Variants in BARD1 observed in about 807,000 individuals in gnomAD.
BARD1 encodes the protein BRCA1 associated RING domain 1, also known as BRCA1-associated RING domain protein 1.
Under a neutral mutation model 77.0 loss-of-function variants are expected in BARD1, and 73 were observed. The observed-to-expected ratio is 0.95, with a 90% confidence interval of 0.79 to 1.15. BARD1 has a LOEUF of 1.15. Among genes scored for constraint, BARD1 ranks in the 50% most tolerant of loss-of-function variants. BARD1 has a pLI of 0.00. For synonymous variants in BARD1, 384 were observed against 338.0 expected (o/e 1.14, Z -1.49); for missense variants, 993 against 938.8 (o/e 1.06, Z -0.75).
chr2:214,804,342 T>C (rs558866917), intron 1 of BARD1, among the ~76,000 whole-genome samples: 1 of 152,226 alleles, frequency 6.6e-6, no homozygotes, highest in Non-Finnish European at 1.5e-5. Context: ...CTAAGTTCTT[T>C]CATACATCAA....
At chr2:214,740,134 A>G (rs1307996899) in intron 9 of BARD1, among the ~76,000 whole-genome samples, 1 of 152,036 alleles carries the variant, frequency 6.6e-6, no homozygotes, top group African/African-American at 2.4e-5. Flanking sequence ...TAGAAAACTC[A>G]TGCTCAGTGT....
intron 4 of BARD1, among the ~76,000 whole-genome samples, chr2:214,773,927 CTGTTT>C (rs112605346): frequency 0.054 from 8,171 of 152,278 alleles, 241 homozygotes; most frequent in Admixed American, 0.084. Context: ...AACCCTGCTG[CTGTTT>C]TATCAACTAA....
chr2:214,760,019 CCA>C (rs1693878937), intron 6 of BARD1, among the ~76,000 whole-genome samples: 1 of 152,140 alleles, frequency 6.6e-6, no homozygotes, highest in Non-Finnish European at 1.5e-5. Context: ...GTCTAGTCTT[CCA>C]CACACATTCA....
chr2:214,751,565 A>G lies in BARD1; in HGVS notation c.1677+882T>C, dbSNP rs144407674. On this transcript the variant is annotated intron_variant, in intron 7 of 10. Transcript: ENST00000260947. ...TACAAATTTATTACAATGTACAGTA[A>G]AAGTTTTTATATCTGAAATCCCTGC... is the stretch of plus-strand genomic sequence containing the variant. Among the ~76,000 whole-genome samples the G allele has an allele frequency of 2.5e-3, 379 of 152,222 alleles. 1 individual carries two copies. Among genetic ancestry groups the G allele is most frequent in the Middle Eastern group, 0.01 (3 of 294 alleles).
intron 1 of BARD1, 69 bp from the exon 2 acceptor site, chr2:214,797,186 C>T (rs1182190945): frequency 1.6e-6 from 2 of 1,222,448 alleles, no homozygotes; most frequent in Non-Finnish European, 2.4e-6. Flanking sequence ...CCCAATATTT[C>T]ATCCAAGGCC....
At position 214,730,464 on chromosome 2, in the gene BARD1, T is replaced by G. The variant is rs1283527672; in HGVS notation, c.1948A>C (p.Lys650Gln). Reference sequence around the variant, plus strand: ...CGTGGACCTTCAGGAATTTCATACTTTTCTTCCTGTTCACATACTTTTCTT... The same window carrying G: ...CGTGGACCTTCAGGAATTTCATACTGTTCTTCCTGTTCACATACTTTTCTT... ...LRRKVCEQEEKYEIPEGPRRS... is the reference protein window; with the variant it reads ...LRRKVCEQEEQYEIPEGPRRS... The change falls in exon 10 of 11, where the codon AAG becomes CAG. Residue 650 changes from lysine (K) to glutamine (Q), a missense_variant. Transcript: ENST00000260947. 1 of 1,613,872 alleles carries G rather than the reference T, an allele frequency of 6.2e-7. No individual in the cohort carries two copies. Among genetic ancestry groups the G allele is most frequent in the Non-Finnish European group, 8.5e-7 (1 of 1,179,986 alleles).
intron 7 of BARD1, among the ~76,000 whole-genome samples, chr2:214,750,295 T>C (rs1279458460): frequency 6.6e-6 from 1 of 152,174 alleles, no homozygotes; most frequent in Admixed American, 6.5e-5. Flanking sequence ...CCAGCTAGCC[T>C]GCAGACAGTC....
At chr2:214,801,537 C>T (rs1416261709) in intron 1 of BARD1, among the ~76,000 whole-genome samples, 1 of 152,126 alleles carries the variant, frequency 6.6e-6, no homozygotes, top group East Asian at 1.9e-4. Context: ...AGCCATGCAA[C>T]CTTTTCTCTC....
At position 214,780,848 on chromosome 2, in the gene BARD1, G is replaced by A. The variant is rs1694969503; in HGVS notation, c.1026C>T (p.Ser342=). 1 of 1,614,104 alleles carries A rather than the reference G, an allele frequency of 6.2e-7. No individual in the cohort carries two copies. Among genetic ancestry groups the A allele is most frequent in the Non-Finnish European group, 8.5e-7 (1 of 1,180,006 alleles). The change falls in exon 4 of 11, where the codon AGC becomes AGT. Residue 342 remains serine (S), a synonymous_variant. Coordinates refer to ENST00000260947, the MANE Select transcript of BARD1 (RefSeq NM_000465.4). ...TTTGCTTAACAAAATCTCCACTGGT[G>A]CTCAGAATGCTGGTTCTACATCTCT... The part of the protein sequence containing the change: ...ISKRCRTSIL[S]TSGDFVKQTV...
At chr2:214,771,921 C>G (rs1180191399) in intron 4 of BARD1, among the ~76,000 whole-genome samples, 1 of 88,506 alleles carries the variant, frequency 1.1e-5, no homozygotes, top group Non-Finnish European at 2.1e-5. Context: ...ACCCCAGTTT[C>G]AGGAAAAAAA....
intron 4 of BARD1, among the ~76,000 whole-genome samples, chr2:214,771,068 C>A (rs1168212029): frequency 6.6e-6 from 1 of 152,188 alleles, no homozygotes; most frequent in Non-Finnish European, 1.5e-5. Context: ...AAGAAGGAGG[C>A]ATTTATGCAG....
chr2:214,781,004 G>A lies in BARD1; in HGVS notation c.870C>T (p.Asp290=), dbSNP rs1694985290. Residue 290 remains aspartate (D), a synonymous_variant, in exon 4 of 11, where the codon GAC becomes GAT. Coordinates refer to ENST00000260947, the MANE Select transcript of BARD1 (RefSeq NM_000465.4). The part of the protein sequence containing the change: ...LPLAEQIESP[D]TKSRNEVVTP... ...TCACTACTTCATTCCTGCTCTTAGT[G>A]TCTGGAGACTCTATTTGCTCAGCCA... 2 of 1,612,986 alleles carry A rather than the reference G, an allele frequency of 1.2e-6. No individual in the cohort carries two copies. The highest frequency in any genetic ancestry group is 1.7e-6 in the Non-Finnish European group (2 of 1,179,438).
intron 6 of BARD1, among the ~76,000 whole-genome samples, chr2:214,753,441 G>GT (rs1382522212): frequency 6.6e-6 from 1 of 151,840 alleles, no homozygotes; most frequent in Admixed American, 6.6e-5. Context: ...AGTCTTCTAT[G>GT]TTTTTTTTAA....
intron 1 of BARD1, among the ~76,000 whole-genome samples, chr2:214,805,707 C>G (rs1250322639): frequency 6.6e-6 from 1 of 152,016 alleles, no homozygotes; most frequent in Admixed American, 6.5e-5. Context: ...CTACACTATG[C>G]TGCCTCAAAG....
intron 4 of BARD1, among the ~76,000 whole-genome samples, chr2:214,769,998 T>C (rs1694403998): frequency 6.6e-6 from 1 of 152,178 alleles, no homozygotes; most frequent in African/African-American, 2.4e-5. Context: ...CAACCAAAAC[T>C]GTTTAGCCCA....
intron 4 of BARD1, among the ~76,000 whole-genome samples, chr2:214,771,116 T>C (rs764867723): frequency 6.6e-5 from 10 of 152,188 alleles, no homozygotes; most frequent in African/African-American, 2.2e-4. Flanking sequence ...ATTACATTAT[T>C]ATCACCACTC....
chr2:214,781,190 T>A lies in BARD1; in HGVS notation c.684A>T (p.Glu228Asp), dbSNP rs780627045. Residue 228 changes from glutamate (E) to aspartate (D), a missense_variant, in exon 4 of 11, where the codon GAA becomes GAT. Physicochemically the swap from Glu to Asp is conservative, Grantham distance 45 (BLOSUM62 2). Coordinates refer to ENST00000260947, the MANE Select transcript of BARD1 (RefSeq NM_000465.4). ...GCTTAGATTCCTCTTTGGAGTCAAA[T>A]TCACCATCTTCTTTTTCTGCCTCTA... ...WNLEAEKEDG[E>D]FDSKEESKQK... 2.5e-6 allele frequency: 4 copies of A among 1,588,156 alleles called. No homozygotes were observed. Among genetic ancestry groups the A allele is most frequent in the Non-Finnish European group, 3.4e-6 (4 of 1,173,316 alleles).
At chr2:214,754,641 T>A (rs1400636859) in intron 6 of BARD1, among the ~76,000 whole-genome samples, 1 of 152,148 alleles carries the variant, frequency 6.6e-6, no homozygotes, top group East Asian at 1.9e-4. Flanking sequence ...TTTTACAAAG[T>A]GACTACCAGA....
intron 6 of BARD1, among the ~76,000 whole-genome samples, chr2:214,765,093 A>G (rs1160806349): frequency 6.6e-6 from 1 of 152,222 alleles, no homozygotes; most frequent in Non-Finnish European, 1.5e-5. Context: ...AATACATTTT[A>G]AAATTTATTC....
Sources: allele counts gnomAD v4.1 joint callset (sites outside exome capture counted in the v4.1 genomes callset), GRCh38; gene constraint gnomAD v4.1.1; transcripts MANE v1.5; gene names NCBI Gene and HGNC (gene_info 2026-07-23, HGNC 2026-07-21).